The following PRKCB variants were observed in gnomAD, a reference collection of about 807,000 sequenced individuals.
PRKCB encodes protein kinase C beta type.
Under a neutral mutation model 81.5 loss-of-function variants are expected in PRKCB, and 13 were observed. The ratio of observed to expected loss-of-function variants is 0.16; its 90% confidence interval spans 0.10 to 0.25. The LOEUF is 0.25. Ranked by LOEUF, PRKCB falls within the 10% of genes least tolerant of loss-of-function variation. PRKCB has a pLI of 1.00. For synonymous variants in PRKCB, 335 were observed against 321.4 expected, an observed-to-expected ratio of 1.04 and a Z score of -0.45; for missense variants, 509 against 875.7, an observed-to-expected ratio of 0.58 and a Z score of 5.29.
chr16:24,120,956 T>TG (rs1179983518), intron 8 of PRKCB, among the ~76,000 whole-genome samples: 3 of 152,152 alleles, frequency 2.0e-5, no homozygotes, highest in African/African-American at 4.8e-5. Context: ...GCCCACGTGC[T>TG]GGGGGGTCTC....
intron 8 of PRKCB, among the ~76,000 whole-genome samples, chr16:24,116,410 T>A (rs937293996): frequency 1.3e-5 from 2 of 151,012 alleles, no homozygotes; most frequent in Admixed American, 6.6e-5. Flanking sequence ...AATATATATT[T>A]AAAAAAAAAT....
Position 23,953,694 on chromosome 16 carries a change from A to G in PRKCB, c.206-34814A>G, listed in dbSNP as rs538631330. Among the ~76,000 whole-genome samples the G allele has an allele frequency of 2.8e-4, 43 of 151,578 alleles. No homozygotes were observed. In the South Asian group the frequency reaches 3.1e-3, roughly 11 times the overall value. Reference sequence around the variant, plus strand: ...AACAGGAGATGTAATGCGTGAGCACATTCATTCATTCATTCATTCATTTAC... The same window carrying G: ...AACAGGAGATGTAATGCGTGAGCACGTTCATTCATTCATTCATTCATTTAC... On this transcript the variant is annotated intron_variant, in intron 2 of 16. Coordinates refer to ENST00000643927, the MANE Select transcript of PRKCB (RefSeq NM_002738.7).
intron 10 of PRKCB, among the ~76,000 whole-genome samples, chr16:24,159,558 T>TA (rs1233885000): frequency 6.3e-5 from 9 of 143,454 alleles, no homozygotes; most frequent in Non-Finnish European, 8.8e-5. Context: ...TCAGAGAAGT[T>TA]AAGTAACTGG....
chr16:23,981,517 G>A (rs1447919234), intron 2 of PRKCB, among the ~76,000 whole-genome samples: 1 of 152,050 alleles, frequency 6.6e-6, no homozygotes, highest in Non-Finnish European at 1.5e-5. Flanking sequence ...TCGGGGGTAG[G>A]GGATGGGAAC....
chr16:23,878,083 C>G (rs139133595), intron 2 of PRKCB, among the ~76,000 whole-genome samples: 4,573 of 152,306 alleles, frequency 0.03, 107 homozygotes, highest in South Asian at 0.065. Flanking sequence ...ATCCACCCAC[C>G]TGGGCCTCCC....
At chr16:24,044,048 G>A (rs1185731606) in intron 5 of PRKCB, among the ~76,000 whole-genome samples, 1 of 152,038 alleles carries the variant, frequency 6.6e-6, no homozygotes, top group African/African-American at 2.4e-5. Context: ...TGTGATACTA[G>A]GTAGTTGTTG....
intron 7 of PRKCB, among the ~76,000 whole-genome samples, chr16:24,097,819 G>A (rs931234020): frequency 2.0e-5 from 3 of 152,160 alleles, no homozygotes; most frequent in African/African-American, 7.2e-5. Context: ...TTTTCTGATT[G>A]GCAATTGGTT....
Position 24,025,196 on chromosome 16 carries a change from C to G in PRKCB, c.289-6940C>G, listed in dbSNP as rs149558884. Among the ~76,000 whole-genome samples the G allele has an allele frequency of 3.3e-5, 5 of 152,344 alleles. No individual in the cohort carries two copies. In the East Asian group the frequency reaches 9.6e-4, roughly 29 times the overall value. On this transcript the variant is annotated intron_variant, in intron 3 of 16. Transcript: ENST00000643927. ...CTTCTAAGTCATTTTCCTAAAATAG[C>G]ATGTTTATGGTGCAGGGGTTTGCAG...
chr16:23,961,924 T>A (rs1964430898), intron 2 of PRKCB, among the ~76,000 whole-genome samples: 1 of 152,012 alleles, frequency 6.6e-6, no homozygotes, highest in East Asian at 1.9e-4. Context: ...GGAGCTAAGG[T>A]TAGAGTTGAG....
At chr16:23,982,420 C>CTCTTT (rs1964751123) in intron 2 of PRKCB, among the ~76,000 whole-genome samples, 1 of 146,306 alleles carries the variant, frequency 6.8e-6, no homozygotes, top group African/African-American at 2.5e-5. Context: ...CCCTTCTCTT[C>CTCTTT]TCTTTTCTTT....
At chr16:23,877,616 A>G (rs1963036546) in intron 2 of PRKCB, among the ~76,000 whole-genome samples, 1 of 152,086 alleles carries the variant, frequency 6.6e-6, no homozygotes. Context: ...CTTTCTGTGC[A>G]TTTGTCTGGG....
intron 2 of PRKCB, among the ~76,000 whole-genome samples, chr16:23,982,099 TCCCTTCCCTTCCCTTTCCCTTC>T (rs1183618782): frequency 0.037 from 1,284 of 34,678 alleles, 40 homozygotes; most frequent in East Asian, 0.044. Flanking sequence ...CCTTTCCTTT[TCCCTTCCCTTCCCTTTCCCTTC>T]CCCTTCCCTT....
intron 9 of PRKCB, 94 bp downstream of exon 9, chr16:24,124,075 G>A (rs990869257): frequency 2.1e-6 from 3 of 1,412,748 alleles, no homozygotes; most frequent in Non-Finnish European, 2.9e-6. Context: ...GTCCTAGTGG[G>A]AGAGAGAGTA....
intron 10 of PRKCB, among the ~76,000 whole-genome samples, chr16:24,171,722 C>T (rs1192228198): frequency 6.6e-6 from 1 of 151,756 alleles, no homozygotes; most frequent in East Asian, 1.9e-4. Flanking sequence ...CAAATATAAA[C>T]TTGTAATTAT....
chr16:23,973,268 A>G (rs969946911), intron 2 of PRKCB, among the ~76,000 whole-genome samples: 1 of 151,712 alleles, frequency 6.6e-6, no homozygotes, highest in African/African-American at 2.4e-5. Flanking sequence ...TGCAACCTTC[A>G]CCTCCCGGGT....
chr16:24,049,382 C>A (rs111513470), intron 5 of PRKCB, among the ~76,000 whole-genome samples: 5,294 of 123,954 alleles, frequency 0.043, 87 homozygotes, highest in Non-Finnish European at 0.055. Flanking sequence ...CACCCGGGAC[C>A]TGCACCCTTA....
chr16:23,852,727 C>T (rs1962495877), intron 2 of PRKCB, among the ~76,000 whole-genome samples: 1 of 152,230 alleles, frequency 6.6e-6, no homozygotes, highest in South Asian at 2.1e-4. Flanking sequence ...AGCATCATCT[C>T]ACAATCCCTA....
intron 2 of PRKCB, among the ~76,000 whole-genome samples, chr16:23,958,970 C>A (rs1456251513): frequency 9.2e-5 from 14 of 152,104 alleles, no homozygotes; most frequent in Admixed American, 7.9e-4. Flanking sequence ...ACTGTAGGTA[C>A]CTCGGGCAAG....
chr16:23,990,555 T>C (rs977453156), intron 3 of PRKCB, among the ~76,000 whole-genome samples: 5 of 151,792 alleles, frequency 3.3e-5, no homozygotes, highest in Admixed American at 6.6e-5. Context: ...TTTGTTTTTT[T>C]CTCTTTTGAG....
Sources: allele counts gnomAD v4.1 joint callset (sites outside exome capture counted in the v4.1 genomes callset), GRCh38; gene constraint gnomAD v4.1.1; transcripts MANE v1.5; gene names NCBI Gene and HGNC (gene_info 2026-07-23, HGNC 2026-07-21).